RTRAF: variants seen among roughly 807,000 people sequenced by gnomAD.
The protein encoded by RTRAF is tRNA-splicing ligase complex subunit RTRAF.
In RTRAF, 14 loss-of-function variants were observed where a neutral mutation model predicts 34.4. The ratio of observed to expected loss-of-function variants is 0.41; its 90% CI spans 0.27 to 0.64. The LOEUF (loss-of-function observed/expected upper bound fraction) is 0.64, where lower values mean the gene tolerates loss of function less well. Among genes scored for constraint, RTRAF ranks in the 30% least tolerant of loss-of-function variants. The pLI, the probability that RTRAF is intolerant of heterozygous loss-of-function variation, is 0.34. For synonymous variants in RTRAF, 96 were observed against 95.3 expected, an observed-to-expected ratio of 1.01 and a Z score of -0.04; for missense variants, 291 against 288.4, an observed-to-expected ratio of 1.01 and a Z score of -0.06.
Position 52,005,980 on chromosome 14 carries a change from A to AGCCATACTGAAGTTTG in RTRAF, c.*1465_*1480dup. 1 of 663,118 alleles carries AGCCATACTGAAGTTTG rather than the reference A, an allele frequency of 1.5e-6. No homozygotes were observed. 41.1% of individuals were successfully genotyped at this position (663,118 alleles called of 1,614,324 possible). A position where few individuals can be genotyped will look rare whatever the true frequency, so the allele number is the denominator to read the frequency against. ...TTCTCTGTCCCAGGGCTGGTGCTAA[A>AGCCATACTGAAGTTTG]GCCATACTGAAGTTTGAAGACCATT... On this transcript the variant is annotated 3_prime_UTR_variant, in exon 8 of 8. Coordinates refer to ENST00000261700, the MANE Select transcript of RTRAF (RefSeq NM_016039.3).
chr14:52,005,387 T>A lies in RTRAF; in HGVS notation c.*871T>A. 1 of 1,226,090 alleles carries A rather than the reference T, an allele frequency of 8.2e-7. No homozygotes were observed. Among genetic ancestry groups the A allele is most frequent in the Non-Finnish European group, 1.1e-6 (1 of 903,714 alleles). 76.0% of individuals were successfully genotyped at this position (1,226,090 alleles called of 1,614,324 possible). Reference sequence around the variant, plus strand: ...ATCTTGGATGCTCAGGAACGTCTAATGGCCAATTCCTTTTTTACTTTCTTT... The same window carrying A: ...ATCTTGGATGCTCAGGAACGTCTAAAGGCCAATTCCTTTTTTACTTTCTTT... On this transcript the variant is annotated 3_prime_UTR_variant, in exon 8 of 8. Transcript: ENST00000261700.
At chr14:51,990,051 A>G (rs558312574) in intron 1 of RTRAF, among the ~76,000 whole-genome samples, 1 of 152,280 alleles carries the variant, frequency 6.6e-6, no homozygotes, top group East Asian at 1.9e-4. Context: ...AGCACCTGCT[A>G]ATTATGGGCC....
chr14:51,998,325 A>T, intron 3 of RTRAF, 169 bp from the exon 4 acceptor site: 1 of 485,788 alleles, frequency 2.1e-6, no homozygotes, highest in Non-Finnish European at 3.7e-6. Context: ...CATTTTATAT[A>T]TGCAGATAAT....
In RTRAF at chr14:52,004,667, TTTTC is replaced by T; in HGVS notation, c.*155_*158del. ...GATTTACCACCATTGCTTATTGCTT[TTTTC>T]TTTAATAAAGTTTAGGAAAGTAGAA... On this transcript the variant is annotated 3_prime_UTR_variant, in exon 8 of 8. Coordinates refer to ENST00000261700, the MANE Select transcript of RTRAF (RefSeq NM_016039.3). 1 of 655,640 alleles carries T rather than the reference TTTTC, an allele frequency of 1.5e-6. No homozygotes were observed. Among genetic ancestry groups the T allele is most frequent in the Non-Finnish European group, 2.5e-6 (1 of 404,726 alleles). 40.6% of individuals were successfully genotyped at this position (655,640 alleles called of 1,614,324 possible). A position where few individuals can be genotyped will look rare whatever the true frequency, so the allele number is the denominator to read the frequency against.
intron 3 of RTRAF, among the ~76,000 whole-genome samples, chr14:51,994,313 G>T (rs759025950): frequency 1.3e-5 from 2 of 152,142 alleles, no homozygotes; most frequent in Non-Finnish European, 1.5e-5. Flanking sequence ...CTTTAAACGG[G>T]TGTTTTCTCT....
At chr14:51,994,645 A>G (rs530086600) in intron 3 of RTRAF, among the ~76,000 whole-genome samples, 204 of 152,272 alleles carry the variant, frequency 1.3e-3, no homozygotes, top group Non-Finnish European at 1.4e-3. Flanking sequence ...AACTTTCTGA[A>G]ACGTTAATCT....
rs555920113 is a variant in RTRAF at position 51,992,990 on chromosome 14, A to G, written c.187-733A>G. Reference sequence around the variant, plus strand: ...GGTTGCAGTGAGCCAAGATTGTGCCATTGCACTCCAGCCTGGGCAACAGAA... The same window carrying G: ...GGTTGCAGTGAGCCAAGATTGTGCCGTTGCACTCCAGCCTGGGCAACAGAA... On this transcript the variant is annotated intron_variant, in intron 2 of 7. Transcript: ENST00000261700. Among the ~76,000 whole-genome samples, 11 of 152,320 alleles carry G rather than the reference A, an allele frequency of 7.2e-5. No homozygotes were observed. In the South Asian group the frequency reaches 2.3e-3, roughly 32 times the overall value.
At chr14:52,004,103 C>T (rs554789933) in intron 6 of RTRAF, 91 bp from the exon 7 acceptor site, 14 of 1,114,580 alleles carry the variant, frequency 1.3e-5, no homozygotes, top group African/African-American at 1.1e-4. Context: ...AGTTAAGACA[C>T]CAGAATAGCT....
chr14:52,005,429 T>TTCTTTA lies in RTRAF; in HGVS notation c.*914_*919dup, dbSNP rs1566736544. On this transcript the variant is annotated 3_prime_UTR_variant, in exon 8 of 8. Coordinates refer to ENST00000261700, the MANE Select transcript of RTRAF (RefSeq NM_016039.3). ...ACTTTCTTTGCCTTTGCAGTCACTG[T>TTCTTTA]TCTTTAGGGTCCAGGTTCTGATTGT... 1.6e-5 allele frequency: 24 copies of TTCTTTA among 1,498,780 alleles called. No homozygotes were observed. Among genetic ancestry groups the TTCTTTA allele is most frequent in the Non-Finnish European group, 7.1e-6 (8 of 1,119,856 alleles). The allele number at this position is 1,498,780 out of a possible 1,614,324, so 92.8% of individuals were successfully genotyped here.
intron 1 of RTRAF, among the ~76,000 whole-genome samples, chr14:51,990,956 G>A (rs962056294): frequency 3.9e-5 from 6 of 152,038 alleles, no homozygotes; most frequent in Non-Finnish European, 4.4e-5. Context: ...GTTTTTATCC[G>A]TATTTATTTT....
intron 4 of RTRAF, among the ~76,000 whole-genome samples, chr14:51,998,894 A>G (rs1450106997): frequency 6.6e-6 from 1 of 151,958 alleles, no homozygotes; most frequent in Non-Finnish European, 1.5e-5. Context: ...ACTCTATCAG[A>G]CAAGTGGTAA....
At position 52,005,204 on chromosome 14, in the gene RTRAF, T is replaced by A. The variant is rs1262498711; in HGVS notation, c.*688T>A. The A allele has an allele frequency of 3.2e-6, 1 of 310,736 alleles. No individual in the cohort carries two copies. Among genetic ancestry groups the A allele is most frequent in the Non-Finnish European group, 5.9e-6 (1 of 170,370 alleles). 19.2% of individuals were successfully genotyped at this position (310,736 alleles called of 1,614,324 possible). A position where few individuals can be genotyped will look rare whatever the true frequency, so the allele number is the denominator to read the frequency against. On this transcript the variant is annotated 3_prime_UTR_variant, in exon 8 of 8. Transcript: ENST00000261700. ...TTGAATGAATTTGATCTTTTAAATATTAATGATAAATGTTTACAAGAAGTT... is the reference window on the plus strand; with the variant it reads ...TTGAATGAATTTGATCTTTTAAATAATAATGATAAATGTTTACAAGAAGTT...
Position 51,989,685 on chromosome 14 carries a change from G to A in RTRAF, c.46G>A (p.Gly16Ser), listed in dbSNP as rs773592651. 3.7e-6 allele frequency: 6 copies of A among 1,604,558 alleles called. No individual in the cohort carries two copies. The highest frequency in any genetic ancestry group is 5.1e-6 in the Non-Finnish European group (6 of 1,176,054). The change falls in exon 1 of 8, where the codon GGC becomes AGC. Residue 16 changes from glycine (G) to serine (S), a missense_variant. Coordinates refer to ENST00000261700, the MANE Select transcript of RTRAF (RefSeq NM_016039.3). Reference sequence around the variant, plus strand: ...GGCTCTCGACTACCACAACCCCGCCGGCTTCAACTGCAAAGGTGAGGCGGC... The same window carrying A: ...GGCTCTCGACTACCACAACCCCGCCAGCTTCAACTGCAAAGGTGAGGCGGC... ...LTALDYHNPAGFNCKDETEFR... is the reference protein window; with the variant it reads ...LTALDYHNPASFNCKDETEFR...
At chr14:52,000,247 T>C (rs1890579993) in intron 5 of RTRAF, among the ~76,000 whole-genome samples, 2 of 152,102 alleles carry the variant, frequency 1.3e-5, no homozygotes, top group African/African-American at 4.8e-5. Context: ...AAATGCCAAA[T>C]GAGTAATGGT....
chr14:52,003,411 T>A (rs1205740434), intron 6 of RTRAF, among the ~76,000 whole-genome samples: 5 of 152,184 alleles, frequency 3.3e-5, no homozygotes, highest in African/African-American at 7.2e-5. Context: ...AGACAGAGCC[T>A]ACGTAGATTT....
chr14:52,003,684 C>CCAAGT (rs377548548), intron 6 of RTRAF, among the ~76,000 whole-genome samples: 34 of 152,216 alleles, frequency 2.2e-4, no homozygotes, highest in African/African-American at 7.9e-4. Context: ...AAAGTAACTT[C>CCAAGT]CAAGTCAAGT....
chr14:52,003,347 T>C (rs1387216120), intron 6 of RTRAF, among the ~76,000 whole-genome samples: 2 of 152,208 alleles, frequency 1.3e-5, no homozygotes, highest in East Asian at 3.8e-4. Context: ...TGCTCACTTG[T>C]GCTTTCGTAC....
intron 6 of RTRAF, among the ~76,000 whole-genome samples, chr14:52,003,551 G>C (rs1890642879): frequency 6.6e-6 from 1 of 152,156 alleles, no homozygotes; most frequent in Admixed American, 6.6e-5. Context: ...TCAGCAGGAA[G>C]TACAGACTGT....
Position 51,991,543 on chromosome 14 carries a change from G to T in RTRAF, c.186+102G>T, listed in dbSNP as rs1255922889. On this transcript the variant is annotated intron_variant, in intron 2 of 7. Transcript: ENST00000261700. ...CTTCTTTTAAGAAAAAAATGATAAT[G>T]ATCAGTGTTAGGAAAGCTGGATTTC... 3.7e-6 allele frequency: 5 copies of T among 1,355,700 alleles called. No homozygotes were observed. In the East Asian group the frequency reaches 1.2e-4, roughly 33 times the overall value. The allele number at this position is 1,355,700 out of a possible 1,614,324, so 84.0% of individuals were successfully genotyped here. A position where few individuals can be genotyped will look rare whatever the true frequency, so the allele number is the denominator to read the frequency against.
Sources: gnomAD v4.1 joint callset for allele counts (sites outside exome capture counted in the v4.1 genomes callset) on GRCh38, gnomAD v4.1.1 for gene constraint, MANE v1.5 for transcripts, NCBI Gene and HGNC (gene_info 2026-07-23, HGNC 2026-07-21) for gene names.